The following THSD4 variants were observed in gnomAD, a reference collection of about 807,000 sequenced individuals.
THSD4 encodes thrombospondin type 1 domain containing 4, also known as thrombospondin type-1 domain-containing protein 4.
Under a neutral mutation model 119.0 loss-of-function variants are expected in THSD4, and 69 were observed. The ratio of observed to expected loss-of-function variants is 0.58; its 90% confidence interval spans 0.48 to 0.71. The LOEUF is 0.71. THSD4 is among the 30% of genes least tolerant of loss of function. The pLI, the probability that THSD4 is intolerant of heterozygous loss-of-function variation, is 0.00. For synonymous variants in THSD4, 524 were observed against 540.4 expected, an observed-to-expected ratio of 0.97 and a Z score of 0.42; for missense variants, 1,393 against 1,391.1, an observed-to-expected ratio of 1.00 and a Z score of -0.02.
intron 7 of THSD4, among the ~76,000 whole-genome samples, chr15:71,616,791 G>A (rs997801604): frequency 7.2e-5 from 11 of 152,176 alleles, no homozygotes; most frequent in Middle Eastern, 3.2e-3. Context: ...GATTGGACTG[G>A]GTGGTCTTCA....
At chr15:71,237,474 C>T (rs984808208) in intron 4 of THSD4, among the ~76,000 whole-genome samples, 5 of 152,094 alleles carry the variant, frequency 3.3e-5, no homozygotes, top group African/African-American at 4.8e-5. Context: ...ATGGTCAATC[C>T]GGACTTGAGT....
chr15:71,581,824 G>A (rs1191586972), intron 7 of THSD4, among the ~76,000 whole-genome samples: 1 of 152,136 alleles, frequency 6.6e-6, no homozygotes, highest in Non-Finnish European at 1.5e-5. Context: ...TCAGTTGACT[G>A]TAAACGTGTG....
intron 7 of THSD4, among the ~76,000 whole-genome samples, chr15:71,657,001 C>G (rs1293999803): frequency 6.6e-6 from 1 of 152,164 alleles, no homozygotes; most frequent in East Asian, 1.9e-4. Flanking sequence ...CATCCCCAGT[C>G]CCCTCATTCA....
chr15:71,761,867 T>A (rs530217060), intron 15 of THSD4, among the ~76,000 whole-genome samples: 184 of 152,332 alleles, frequency 1.2e-3, no homozygotes, highest in African/African-American at 4.3e-3. Context: ...CACTGCTTCC[T>A]CTTCCTTGGC....
At chr15:71,449,491 A>G (rs901676743) in intron 7 of THSD4, among the ~76,000 whole-genome samples, 7 of 152,192 alleles carry the variant, frequency 4.6e-5, no homozygotes, top group African/African-American at 1.7e-4. Context: ...TGGAGGTGAT[A>G]ATAAAACCTA....
At chr15:71,362,744 C>A (rs557935501) in intron 6 of THSD4, among the ~76,000 whole-genome samples, 1 of 152,116 alleles carries the variant, frequency 6.6e-6, no homozygotes. Flanking sequence ...CGTTTTCGTC[C>A]GCACGCAGCA....
chr15:71,682,362 T>C (rs1443874646), intron 8 of THSD4, among the ~76,000 whole-genome samples: 1 of 152,204 alleles, frequency 6.6e-6, no homozygotes, highest in Non-Finnish European at 1.5e-5. Flanking sequence ...TTTCACAAAG[T>C]GAACACAGTC....
At chr15:71,577,589 G>A (rs1318035693) in intron 7 of THSD4, among the ~76,000 whole-genome samples, 1 of 152,106 alleles carries the variant, frequency 6.6e-6, no homozygotes, top group Non-Finnish European at 1.5e-5. Flanking sequence ...ATGAAATTAT[G>A]TCTCTTTGGT....
At position 71,545,442 on chromosome 15, in the gene THSD4, G is replaced by C. The variant is rs1220901401; in HGVS notation, c.1153-115088G>C. 2.0e-5 allele frequency among the ~76,000 whole-genome samples: 3 copies of C among 152,202 alleles called. No homozygotes were observed. In the East Asian group the frequency reaches 5.8e-4, roughly 29 times the overall value. On this transcript the variant is annotated intron_variant, in intron 7 of 17. Transcript: ENST00000261862. ...AACACAGCTACACCCATTCATGTGT[G>C]TGTTGTCTGTGGTTTCCTTTGTGCT...
chr15:71,760,441 GA>G (rs1482247838), intron 15 of THSD4, among the ~76,000 whole-genome samples: 1 of 152,046 alleles, frequency 6.6e-6, no homozygotes, highest in African/African-American at 2.4e-5. Context: ...CAGATCCCTG[GA>G]AACTAACTAG....
intron 8 of THSD4, among the ~76,000 whole-genome samples, chr15:71,705,026 G>A (rs1005057245): frequency 1.3e-5 from 2 of 152,026 alleles, no homozygotes; most frequent in Admixed American, 6.5e-5. Context: ...GTGTAGAGGA[G>A]GTAGAATGTG....
intron 7 of THSD4, among the ~76,000 whole-genome samples, chr15:71,435,790 T>A (rs1346345009): frequency 6.6e-6 from 1 of 152,158 alleles, no homozygotes; most frequent in Non-Finnish European, 1.5e-5. Context: ...GTGACGCCTG[T>A]GACACAGGGC....
chr15:71,316,648 G>T (rs1000641136), intron 6 of THSD4, among the ~76,000 whole-genome samples: 2 of 152,148 alleles, frequency 1.3e-5, no homozygotes, highest in African/African-American at 4.8e-5. Context: ...TGAAGGCCTA[G>T]ATACAACTGA....
At chr15:71,636,338 G>A (rs1461081467) in intron 7 of THSD4, among the ~76,000 whole-genome samples, 3 of 152,138 alleles carry the variant, frequency 2.0e-5, no homozygotes, top group East Asian at 1.9e-4. Flanking sequence ...CATGAGAATC[G>A]CTTGAACCTG....
rs570773819 is a variant in THSD4 at position 71,556,700 on chromosome 15, C to T, written c.1153-103830C>T. ...GATTACCTAAACACAGGGAGGCTGACGCTGCAGTGAGCCATGATCATACCG... is the reference window on the plus strand; with the variant it reads ...GATTACCTAAACACAGGGAGGCTGATGCTGCAGTGAGCCATGATCATACCG... On this transcript the variant is annotated intron_variant, in intron 7 of 17. Coordinates refer to ENST00000261862, the MANE Select transcript of THSD4 (RefSeq NM_024817.3). Among the ~76,000 whole-genome samples the T allele has an allele frequency of 5.3e-5, 8 of 150,872 alleles. No individual in the cohort carries two copies. In the South Asian group the frequency reaches 6.3e-4, roughly 12 times the overall value.
chr15:71,587,800 G>GAAAAAAAAAAAAAAA (rs1555429620), intron 7 of THSD4, among the ~76,000 whole-genome samples: 5 of 39,136 alleles, frequency 1.3e-4, no homozygotes, highest in Non-Finnish European at 2.4e-4. Flanking sequence ...AAAAAAAAAA[G>GAAAAAAAAAAAAAAA]AAAAAAAAAA....
intron 1 of THSD4, among the ~76,000 whole-genome samples, chr15:71,126,046 G>C (rs754770050): frequency 1.3e-5 from 2 of 152,214 alleles, no homozygotes; most frequent in Non-Finnish European, 2.9e-5. Context: ...GTTTGGTTTA[G>C]AAGCGAGTGG....
rs1381187162 is a variant in THSD4 at position 71,422,006 on chromosome 15, C to T, written c.1152+10183C>T. 2.0e-5 allele frequency among the ~76,000 whole-genome samples: 3 copies of T among 152,278 alleles called. No homozygotes were observed. In the East Asian group the frequency reaches 5.8e-4, roughly 29 times the overall value. ...GTTAACTTTTTCAGCTCTAGAAATT[C>T]TGCTTGATTCTTTGTTAAATGTATC... On this transcript the variant is annotated intron_variant, in intron 7 of 17. Transcript: ENST00000261862.
At chr15:71,330,745 A>G (rs113134851) in intron 6 of THSD4, among the ~76,000 whole-genome samples, 384 of 152,228 alleles carry the variant, frequency 2.5e-3, no homozygotes, top group African/African-American at 8.7e-3. Flanking sequence ...CTGATGTACA[A>G]TACTGTCATA....
Sources: gnomAD v4.1 joint callset for allele counts (sites outside exome capture counted in the v4.1 genomes callset) on GRCh38, gnomAD v4.1.1 for gene constraint, MANE v1.5 for transcripts, NCBI Gene and HGNC (gene_info 2026-07-23, HGNC 2026-07-21) for gene names.